The following NCAPG variants were observed in gnomAD, a reference collection of about 807,000 sequenced individuals.
NCAPG encodes the protein non-SMC condensin I complex subunit G.
A neutral mutation model predicts 113.1 loss-of-function variants in NCAPG; 69 were observed. The ratio of observed to expected loss-of-function variants is 0.61; its 90% CI spans 0.50 to 0.75. NCAPG has a LOEUF of 0.75. NCAPG is among the 30% of genes least tolerant of loss of function. The pLI, the probability that NCAPG is intolerant of heterozygous loss-of-function variation, is 0.00. For synonymous variants in NCAPG, 370 were observed against 415.8 expected (o/e 0.89, Z 1.34); for missense variants, 1,058 against 1,177.0 (o/e 0.90, Z 1.48).
At chr4:17,839,916 A>T (rs1722275911) in intron 17 of NCAPG, 79 bp downstream of exon 17, 2 of 1,464,564 alleles carry the variant, frequency 1.4e-6, no homozygotes, top group Non-Finnish European at 1.8e-6. Context: ...GTATTAGATT[A>T]TACATATGTT....
rs780876541 is a variant in NCAPG, at chr4:17,840,597, C to T, written c.2768-10C>T. On this transcript the variant is annotated splice_polypyrimidine_tract_variant and intron_variant, in intron 18 of 20. Transcript: ENST00000251496. ...TCTTATTTATATTGTTGTATTATTC[C>T]CTTTAATAGAAAAGAATAAAGAAGT... 2 of 1,393,984 alleles carry T rather than the reference C, an allele frequency of 1.4e-6. No homozygotes were observed. Among genetic ancestry groups the T allele is most frequent in the Non-Finnish European group, 1.9e-6 (2 of 1,046,744 alleles). 86.4% of individuals were successfully genotyped at this position (1,393,984 alleles called of 1,614,324 possible).
At chr4:17,812,012 G>A (rs1720989157) in intron 1 of NCAPG, among the ~76,000 whole-genome samples, 1 of 152,168 alleles carries the variant, frequency 6.6e-6, no homozygotes, top group Non-Finnish European at 1.5e-5. Flanking sequence ...ACTGTCAAAA[G>A]TCAAGCTTGT....
At chr4:17,834,742 CT>C (rs374134795) in intron 14 of NCAPG, among the ~76,000 whole-genome samples, 6 of 152,272 alleles carry the variant, frequency 3.9e-5, no homozygotes, top group Middle Eastern at 6.8e-3. Context: ...CCCTACCCCC[CT>C]ATCCCCTGAT....
intron 11 of NCAPG, among the ~76,000 whole-genome samples, chr4:17,826,365 GGA>G (rs1173100553): frequency 6.6e-6 from 1 of 151,966 alleles, no homozygotes; most frequent in African/African-American, 2.4e-5. Context: ...CTTTTATATA[GGA>G]GAGTTTCATG....
At chr4:17,837,100 TGA>T in intron 14 of NCAPG, 57 bp from the exon 15 acceptor site, 1 of 1,490,518 alleles carries the variant, frequency 6.7e-7, no homozygotes, top group Non-Finnish European at 9.2e-7. Context: ...CAGGCTACAT[TGA>T]GAGGCTTAAA....
chr4:17,823,282 C>A, intron 8 of NCAPG, 159 bp downstream of exon 8: 1 of 582,028 alleles, frequency 1.7e-6, no homozygotes, highest in Non-Finnish European at 2.8e-6. Flanking sequence ...TATACACATA[C>A]ATTTATATTT....
At chr4:17,826,931 A>G (rs1461221119) in intron 11 of NCAPG, among the ~76,000 whole-genome samples, 3 of 152,212 alleles carry the variant, frequency 2.0e-5, no homozygotes, top group African/African-American at 2.4e-5. Context: ...CTATAGGCCT[A>G]TGAGGTTGGT....
intron 1 of NCAPG, 111 bp from the exon 2 acceptor site, chr4:17,812,109 AT>A: frequency 1.2e-6 from 1 of 800,004 alleles, no homozygotes; most frequent in Non-Finnish European, 2.0e-6. Flanking sequence ...CTAAATAAAT[AT>A]TTTAATTTGT....
chr4:17,817,566 C>T (rs1721265839), intron 6 of NCAPG, 113 bp downstream of exon 6: 3 of 813,396 alleles, frequency 3.7e-6, no homozygotes, highest in Non-Finnish European at 5.6e-6. Flanking sequence ...TCTTAACTCT[C>T]TTTTGTTTTC....
intron 9 of NCAPG, 72 bp downstream of exon 9, chr4:17,823,842 T>G (rs552356307): frequency 1.3e-5 from 17 of 1,304,526 alleles, no homozygotes; most frequent in Admixed American, 4.7e-5. Flanking sequence ...ATTTTCTGTT[T>G]AGAACTTTTT....
rs1460123379 is a variant in NCAPG, at chr4:17,823,104, A to G, written c.1240A>G (p.Thr414Ala). The G allele has an allele frequency of 1.2e-6, 2 of 1,608,204 alleles. No individual in the cohort carries two copies. The highest frequency in any genetic ancestry group is 1.7e-6 in the Non-Finnish European group (2 of 1,178,108). Residue 414 changes from threonine to alanine, a missense_variant, in exon 8 of 21, where the codon ACC becomes GCC. Physicochemically the swap from Thr to Ala is moderately conservative, Grantham distance 58. Coordinates refer to ENST00000251496, the MANE Select transcript of NCAPG (RefSeq NM_022346.5). Reference protein sequence around the residue: ...QLILIIKSLDTSEEGGRKKLL... With the variant: ...QLILIIKSLDASEEGGRKKLL... The stretch of plus-strand genomic sequence containing the variant: ...GATTCTAATTATTAAGTCTTTGGAT[A>G]CCAGTGAAGAAGGAGGAAGGTATGT...
At chr4:17,818,562 G>A (rs959559319) in intron 7 of NCAPG, among the ~76,000 whole-genome samples, 1 of 152,084 alleles carries the variant, frequency 6.6e-6, no homozygotes, top group Non-Finnish European at 1.5e-5. Flanking sequence ...TAATATTCAT[G>A]TGTTAACAAA....
intron 9 of NCAPG, 146 bp from the exon 10 acceptor site, chr4:17,824,822 C>G (rs1434316247): frequency 1.6e-5 from 8 of 495,782 alleles, no homozygotes; most frequent in Admixed American, 1.5e-4. Flanking sequence ...AATTGTCTAG[C>G]AAACAGAATG....
Position 17,825,574 on chromosome 4 carries a change from T to C in NCAPG, c.1653+13T>C, listed in dbSNP as rs1372824970. 6.4e-7 allele frequency: 1 copy of C among 1,569,474 alleles called. No individual in the cohort carries two copies. Among genetic ancestry groups the C allele is most frequent in the South Asian group, 1.2e-5 (1 of 82,702 alleles). ...CCACATAGAGAAGGTACAGGTAACT[T>C]TTTTCATACTAAATCTCAGGTGTTA... On this transcript the variant is annotated intron_variant, in intron 11 of 20. Coordinates refer to ENST00000251496, the MANE Select transcript of NCAPG (RefSeq NM_022346.5).
chr4:17,834,215 A>G (rs1017558429), intron 13 of NCAPG, 84 bp from the exon 14 acceptor site: 1 of 890,828 alleles, frequency 1.1e-6, no homozygotes, highest in Non-Finnish European at 1.6e-6. Context: ...TAAGAAAAAA[A>G]CAAGATACAT....
rs954724067 is a variant in NCAPG, at chr4:17,815,085, G to T, written c.690+87G>T. 8.5e-6 allele frequency: 13 copies of T among 1,536,034 alleles called. No homozygotes were observed. The African/African-American group carries it at 1.1e-4, about 13-fold the overall frequency. On this transcript the variant is annotated intron_variant, in intron 4 of 20. Coordinates refer to ENST00000251496, the MANE Select transcript of NCAPG (RefSeq NM_022346.5). The stretch of plus-strand genomic sequence containing the variant: ...AGTGCCTTTGAAAAATACTTGGCAT[G>T]TAATAATTTCTTCAGTTGAGGTTTT...
chr4:17,841,521 G>A (rs1335672256), intron 19 of NCAPG: 1 of 151,844 alleles, frequency 6.6e-6, no homozygotes, highest in Non-Finnish European at 1.5e-5. Flanking sequence ...CAGGTAAGGA[G>A]TAGAAAAAAG....
intron 3 of NCAPG, 168 bp downstream of exon 3, chr4:17,813,313 A>T: frequency 2.0e-6 from 1 of 502,258 alleles, no homozygotes; most frequent in Non-Finnish European, 3.4e-6. Flanking sequence ...TAAAAAAAAA[A>T]GTCAGTACTT....
At chr4:17,834,577 GTTTA>G (rs1350366707) in intron 14 of NCAPG, 54 bp downstream of exon 14, 1 of 1,129,306 alleles carries the variant, frequency 8.9e-7, no homozygotes, top group Non-Finnish European at 1.2e-6. Context: ...GCATGTATTT[GTTTA>G]TTATTATTAT....
Sources: gnomAD v4.1 joint callset for allele counts (sites outside exome capture counted in the v4.1 genomes callset) on GRCh38, gnomAD v4.1.1 for gene constraint, MANE v1.5 for transcripts, NCBI Gene and HGNC (gene_info 2026-07-23, HGNC 2026-07-21) for gene names.